PIP4K2A: variants seen among roughly 807,000 people sequenced by gnomAD.
PIP4K2A encodes phosphatidylinositol 5-phosphate 4-kinase type-2 alpha.
A neutral mutation model predicts 42.9 loss-of-function variants in PIP4K2A; 14 were observed. The ratio of observed to expected loss-of-function variants is 0.33; its 90% CI spans 0.22 to 0.51. The LOEUF (loss-of-function observed/expected upper bound fraction) is 0.51. Ranked by LOEUF, PIP4K2A falls within the 20% of genes least tolerant of loss-of-function variation. The pLI is 0.97. For missense variants in PIP4K2A, 434 were observed against 519.8 expected (o/e 0.83, Z 1.61); for synonymous variants, 192 against 192.2 (o/e 1.00, Z 0.01).
chr10:22,613,394 G>A (rs550938134), intron 1 of PIP4K2A, among the ~76,000 whole-genome samples: 2 of 152,264 alleles, frequency 1.3e-5, no homozygotes, highest in African/African-American at 4.8e-5. Context: ...GAAAGTGGGA[G>A]GGGATGGGAT....
intron 1 of PIP4K2A, among the ~76,000 whole-genome samples, chr10:22,644,190 C>T (rs1295743073): frequency 6.6e-6 from 1 of 152,180 alleles, no homozygotes; most frequent in African/African-American, 2.4e-5. Context: ...CCTCCATGCA[C>T]AGAGTAGCTT....
In PIP4K2A at chr10:22,570,765, T is replaced by C. The variant is rs146642862; in HGVS notation, c.639+2546A>G. Among the ~76,000 whole-genome samples, 11 of 151,974 alleles carry C rather than the reference T, an allele frequency of 7.2e-5. No homozygotes were observed. The East Asian group carries it at 2.1e-3, about 29-fold the overall frequency. ...ATTTGTATAAATAATGCAAAAACAA[T>C]GGTGGGAAGAACTGCTAGCAGTTTA... On this transcript the variant is annotated intron_variant, in intron 5 of 9. Transcript: ENST00000376573.
intron 1 of PIP4K2A, among the ~76,000 whole-genome samples, chr10:22,684,599 G>A (rs1158186316): frequency 2.0e-5 from 3 of 152,070 alleles, no homozygotes; most frequent in Non-Finnish European, 2.9e-5. Context: ...AACATAATTT[G>A]TCTATCAGAA....
At chr10:22,542,137 G>A (rs547027075) in intron 7 of PIP4K2A, 90 bp from the exon 8 acceptor site, 1 of 1,211,974 alleles carries the variant, frequency 8.3e-7, no homozygotes, top group Admixed American at 2.1e-5. Context: ...CACCCAGAGG[G>A]AAGGCTGTGG....
At position 22,535,137 on chromosome 10, in the gene PIP4K2A, C is replaced by T. The variant is rs549708298; in HGVS notation, c.*2064G>A. 6.6e-6 allele frequency: 1 copy of T among 152,180 alleles called. No homozygotes were observed. Among genetic ancestry groups the T allele is most frequent in the East Asian group, 1.9e-4 (1 of 5,198 alleles). The allele number at this position is 152,180 out of a possible 1,614,324, so 9.4% of individuals were successfully genotyped here. A position where few individuals can be genotyped will look rare whatever the true frequency, so the allele number is the denominator to read the frequency against. ...GACAAAAATAAAAGCATTCTGTAAACTTCTAAAAGCATACACAGATTGGCC... is the reference window on the plus strand; with the variant it reads ...GACAAAAATAAAAGCATTCTGTAAATTTCTAAAAGCATACACAGATTGGCC... On this transcript the variant is annotated 3_prime_UTR_variant, in exon 10 of 10. Transcript: ENST00000376573.
chr10:22,588,806 A>G (rs1837451965), intron 4 of PIP4K2A, among the ~76,000 whole-genome samples: 1 of 152,252 alleles, frequency 6.6e-6, no homozygotes, highest in Admixed American at 6.5e-5. Context: ...AATTATATTT[A>G]AAATATTCTG....
At chr10:22,634,351 CT>C (rs1387567428) in intron 1 of PIP4K2A, among the ~76,000 whole-genome samples, 1 of 152,170 alleles carries the variant, frequency 6.6e-6, no homozygotes, top group Non-Finnish European at 1.5e-5. Flanking sequence ...TATGGTACTT[CT>C]TGTTTATTTT....
chr10:22,577,057 G>A (rs763455648), intron 4 of PIP4K2A, among the ~76,000 whole-genome samples: 2 of 131,618 alleles, frequency 1.5e-5, no homozygotes, highest in African/African-American at 2.9e-5. Flanking sequence ...TAGCCTGGGT[G>A]ACAGAGCAAA....
chr10:22,568,452 G>A (rs1836902078), intron 5 of PIP4K2A, among the ~76,000 whole-genome samples: 2 of 152,094 alleles, frequency 1.3e-5, no homozygotes, highest in East Asian at 3.8e-4. Flanking sequence ...CTATACATCA[G>A]TCCCCCACAG....
chr10:22,540,283 T>G (rs1836070764), intron 8 of PIP4K2A, among the ~76,000 whole-genome samples: 1 of 151,880 alleles, frequency 6.6e-6, no homozygotes, highest in Non-Finnish European at 1.5e-5. Context: ...CCCCCTGCAA[T>G]TTAAAAAGAA....
At chr10:22,600,031 G>C (rs1027492774) in intron 3 of PIP4K2A, among the ~76,000 whole-genome samples, 2 of 152,122 alleles carry the variant, frequency 1.3e-5, no homozygotes, top group African/African-American at 4.8e-5. Flanking sequence ...AAGGGGGAAG[G>C]AAACATAAAT....
intron 1 of PIP4K2A, among the ~76,000 whole-genome samples, chr10:22,685,378 C>G (rs907692785): frequency 6.6e-6 from 1 of 152,032 alleles, no homozygotes; most frequent in African/African-American, 2.4e-5. Flanking sequence ...TTGGTCATGA[C>G]AGAATCAAAA....
At chr10:22,660,020 G>A (rs1839172498) in intron 1 of PIP4K2A, among the ~76,000 whole-genome samples, 1 of 152,062 alleles carries the variant, frequency 6.6e-6, no homozygotes, top group Admixed American at 6.5e-5. Flanking sequence ...CAGACATTGT[G>A]TCCTTAACCA....
intron 1 of PIP4K2A, among the ~76,000 whole-genome samples, chr10:22,614,519 CAGAAA>C (rs1228847158): frequency 2.6e-5 from 4 of 152,180 alleles, no homozygotes; most frequent in Non-Finnish European, 5.9e-5. Flanking sequence ...GGATTCCCCC[CAGAAA>C]ACTTCTTCGT....
At chr10:22,685,236 T>C (rs561428898) in intron 1 of PIP4K2A, among the ~76,000 whole-genome samples, 1 of 152,276 alleles carries the variant, frequency 6.6e-6, no homozygotes, top group Non-Finnish European at 1.5e-5. Flanking sequence ...AGAGTCCCAG[T>C]GTATACTCTT....
At position 22,555,978 on chromosome 10, in the gene PIP4K2A, C is replaced by T. The variant is rs572180730; in HGVS notation, c.679-5206G>A. ...ATTTGTACTGGGCCACATTCAAAGC[C>T]GTCCTGGGCCCCATGCAGCCCGTGA... is the stretch of plus-strand genomic sequence containing the variant. On this transcript the variant is annotated intron_variant, in intron 6 of 9. Coordinates refer to ENST00000376573, the MANE Select transcript of PIP4K2A (RefSeq NM_005028.5). Among the ~76,000 whole-genome samples, 40 of 151,976 alleles carry T rather than the reference C, an allele frequency of 2.6e-4. 1 individual carries two copies. The South Asian group carries it at 6.7e-3, about 25-fold the overall frequency.
rs1839555145 is a variant in PIP4K2A, at chr10:22,676,203, A to AAAC, written c.144+37979_144+37980insGTT. On this transcript the variant is annotated intron_variant, in intron 1 of 9. Transcript: ENST00000376573. ...CCCAGTAACAGTGCTTTCATTTCCC[A>AAAC]AGTTTCTTCTGCTCAATAAGACCCT... Among the ~76,000 whole-genome samples, 26 of 152,238 alleles carry AAAC rather than the reference A, an allele frequency of 1.7e-4. 1 individual carries two copies. The South Asian group carries it at 5.4e-3, about 32-fold the overall frequency.
rs1835898343 is a variant in PIP4K2A at position 22,535,544 on chromosome 10, A to G, written c.*1657T>C. 1 of 152,204 alleles carries G rather than the reference A, an allele frequency of 6.6e-6. No individual in the cohort carries two copies. The highest frequency in any genetic ancestry group is 2.4e-5 in the African/African-American group (1 of 41,458). 9.4% of individuals were successfully genotyped at this position (152,204 alleles called of 1,614,324 possible). On this transcript the variant is annotated 3_prime_UTR_variant, in exon 10 of 10. Transcript: ENST00000376573. Reference sequence around the variant, plus strand: ...CTGGAAAAGGCAGTACGGCAGGGAGATCTGTTGAGTTGCAAGTAATAATTA... The same window carrying G: ...CTGGAAAAGGCAGTACGGCAGGGAGGTCTGTTGAGTTGCAAGTAATAATTA...
intron 1 of PIP4K2A, among the ~76,000 whole-genome samples, chr10:22,710,580 G>C (rs1461482917): frequency 1.3e-5 from 2 of 152,132 alleles, no homozygotes; most frequent in African/African-American, 4.8e-5. Flanking sequence ...GGAGAACTGA[G>C]CCAAAGGGTA....
Sources: allele counts gnomAD v4.1 joint callset (sites outside exome capture counted in the v4.1 genomes callset), GRCh38; gene constraint gnomAD v4.1.1; transcripts MANE v1.5; gene names NCBI Gene and HGNC (gene_info 2026-07-23, HGNC 2026-07-21).